INO80: variants seen among roughly 807,000 people sequenced by gnomAD.
INO80 encodes chromatin-remodeling ATPase INO80.
INO80 carries 20 observed loss-of-function variants against 203.4 expected under a neutral mutation model. The ratio of observed to expected loss-of-function variants is 0.10; its 90% confidence interval spans 0.07 to 0.14. INO80 has a LOEUF of 0.14. Among genes scored for constraint, INO80 ranks in the 10% least tolerant of loss-of-function variants. The pLI is 1.00. For synonymous variants in INO80, 726 were observed against 685.2 expected, an observed-to-expected ratio of 1.06 and a Z score of -0.93; for missense variants, 1,419 against 1,914.4, an observed-to-expected ratio of 0.74 and a Z score of 4.83.
intron 25 of INO80, among the ~76,000 whole-genome samples, chr15:41,026,669 C>T (rs1438859179): frequency 6.6e-6 from 1 of 152,154 alleles, no homozygotes; most frequent in East Asian, 1.9e-4. Flanking sequence ...ATGTCAACCT[C>T]TTAGAGCTTC....
chr15:41,107,385 C>T (rs1022969254), intron 1 of INO80, among the ~76,000 whole-genome samples: 5 of 152,036 alleles, frequency 3.3e-5, no homozygotes, highest in Non-Finnish European at 2.9e-5. Flanking sequence ...CCTGCAATCC[C>T]GGCTACTTCG....
intron 25 of INO80, chr15:41,023,151 C>T (rs1198889748): frequency 2.7e-6 from 1 of 365,126 alleles, no homozygotes; most frequent in Admixed American, 3.8e-5. Flanking sequence ...TTTCTTGCTT[C>T]CAACTTATTC....
rs989300134 is a variant in INO80 at position 41,050,237 on chromosome 15, C to G, written c.2275-135G>C. On this transcript the variant is annotated intron_variant, in intron 19 of 35. Transcript: ENST00000648947. ...TATGTGAACTCAGTATCTCTATAAA[C>G]CTGTGAATGTGGACAATCATTCAGA... The G allele has an allele frequency of 2.0e-5, 12 of 590,512 alleles. 1 individual carries two copies. The highest frequency in any genetic ancestry group is 4.6e-4 in the Middle Eastern group (1 of 2,162). 36.6% of individuals were successfully genotyped at this position (590,512 alleles called of 1,614,324 possible).
At chr15:40,984,442 T>A (rs1893946643) in intron 32 of INO80, 90 bp from the exon 33 acceptor site, 2 of 1,222,980 alleles carry the variant, frequency 1.6e-6, no homozygotes, top group South Asian at 2.9e-5. Context: ...ACAGAACTTT[T>A]ATTCTTTAGT....
chr15:41,057,912 C>A (rs1566932116), intron 16 of INO80, among the ~76,000 whole-genome samples: 2 of 151,542 alleles, frequency 1.3e-5, no homozygotes, highest in Admixed American at 1.3e-4. Flanking sequence ...TAACGACTCA[C>A]CATGAGTTAA....
chr15:41,005,513 T>TAAAAA, intron 28 of INO80, 80 bp downstream of exon 28: 4 of 573,958 alleles, frequency 7.0e-6, no homozygotes, highest in Non-Finnish European at 1.2e-5. Flanking sequence ...TCCTGGCATT[T>TAAAAA]AAAAAAAAAA....
intron 19 of INO80, 62 bp from the exon 20 acceptor site, chr15:41,050,164 C>G: frequency 8.3e-7 from 1 of 1,211,936 alleles, no homozygotes; most frequent in Non-Finnish European, 1.2e-6. Flanking sequence ...TCAGCATCAG[C>G]TTAAAGTTGA....
chr15:41,059,561 G>A (rs571235248), intron 15 of INO80, among the ~76,000 whole-genome samples: 2 of 150,796 alleles, frequency 1.3e-5, no homozygotes, highest in Admixed American at 1.3e-4. Context: ...TGGCTGAGGT[G>A]GGAGGATTGC....
intron 27 of INO80, among the ~76,000 whole-genome samples, chr15:41,012,058 T>C (rs1220040707): frequency 6.6e-6 from 1 of 152,168 alleles, no homozygotes; most frequent in Non-Finnish European, 1.5e-5. Flanking sequence ...ACAAACTCAG[T>C]TGCTAGATGC....
chr15:41,020,326 A>C (rs1301063544), intron 26 of INO80, among the ~76,000 whole-genome samples: 1 of 152,224 alleles, frequency 6.6e-6, no homozygotes, highest in Non-Finnish European at 1.5e-5. Flanking sequence ...TAAGCAAAGA[A>C]CGTGAGCCTA....
At chr15:41,112,833 C>CA (rs1254773061) in intron 1 of INO80, among the ~76,000 whole-genome samples, 1 of 136,324 alleles carries the variant, frequency 7.3e-6, no homozygotes, top group Non-Finnish European at 1.6e-5. Context: ...TGTTTTCCTA[C>CA]AAAAACTTAG....
chr15:41,051,082 T>C (rs1299925637), intron 19 of INO80, among the ~76,000 whole-genome samples: 2 of 137,350 alleles, frequency 1.5e-5, no homozygotes, highest in South Asian at 2.3e-4. Context: ...TGAGCCGAGA[T>C]TGCACCATTG....
At chr15:41,106,040 T>C (rs560605746) in intron 1 of INO80, among the ~76,000 whole-genome samples, 16 of 152,182 alleles carry the variant, frequency 1.1e-4, no homozygotes, top group African/African-American at 3.6e-4. Flanking sequence ...GGAGGACTGC[T>C]TGAGCCCAGG....
intron 29 of INO80, among the ~76,000 whole-genome samples, chr15:40,995,972 A>T (rs2043876032): frequency 1.3e-5 from 2 of 152,186 alleles, no homozygotes; most frequent in African/African-American, 4.8e-5. Flanking sequence ...GTTAACTGAA[A>T]GTTTAGATGC....
intron 26 of INO80, chr15:41,017,494 C>T (rs1381713649): frequency 6.6e-6 from 1 of 152,192 alleles, no homozygotes; most frequent in Non-Finnish European, 1.5e-5. Context: ...GGGTTTGAAC[C>T]TATGGCTTTT....
intron 33 of INO80, 50 bp from the exon 34 acceptor site, chr15:40,983,971 A>G (rs766070404): frequency 7.6e-6 from 12 of 1,587,064 alleles, no homozygotes; most frequent in Admixed American, 1.7e-5. Flanking sequence ...CTCACCGCCC[A>G]TGGCCTTGCA....
rs1012520581 is a variant in INO80 at position 41,116,012 on chromosome 15, G to T, written c.-83C>A. ...CCCCGCCGCCGCGACGGCGGCGGAG[G>T]GGGGGCGGGGTGCGGGCGGGGTCCG... On this transcript the variant is annotated 5_prime_UTR_variant, in exon 1 of 36. Coordinates refer to ENST00000648947, the MANE Select transcript of INO80 (RefSeq NM_017553.3). 5.1e-6 allele frequency: 2 copies of T among 391,266 alleles called. No individual in the cohort carries two copies. The highest frequency in any genetic ancestry group is 6.5e-4 in the Middle Eastern group (1 of 1,550). 24.2% of individuals were successfully genotyped at this position (391,266 alleles called of 1,614,324 possible). A position where few individuals can be genotyped will look rare whatever the true frequency, so the allele number is the denominator to read the frequency against.
chr15:41,116,225 G>A lies in INO80; in HGVS notation c.-296C>T, dbSNP rs1432322058. On this transcript the variant is annotated 5_prime_UTR_variant, in exon 1 of 36. Transcript: ENST00000648947. ...GCGGCGGCGGCCACTTTCACTCACT[G>A]AGAGGAGCGGAGCAGGGACACGGGG... 3 of 404,362 alleles carry A rather than the reference G, an allele frequency of 7.4e-6. No individual in the cohort carries two copies. The highest frequency in any genetic ancestry group is 4.1e-5 in the African/African-American group (2 of 48,632). The allele number at this position is 404,362 out of a possible 1,614,324, so 25.0% of individuals were successfully genotyped here.
At chr15:41,085,972 G>A (rs748563058) in intron 6 of INO80, among the ~76,000 whole-genome samples, 1 of 152,034 alleles carries the variant, frequency 6.6e-6, no homozygotes, top group African/African-American at 2.4e-5. Flanking sequence ...CGATTCTCCC[G>A]CTTCAGCCTC....
Sources: gnomAD v4.1 joint callset for allele counts (sites outside exome capture counted in the v4.1 genomes callset) on GRCh38, gnomAD v4.1.1 for gene constraint, MANE v1.5 for transcripts, NCBI Gene and HGNC (gene_info 2026-07-23, HGNC 2026-07-21) for gene names.